Variants in PLA2G4C observed in about 807,000 individuals in gnomAD.
PLA2G4C encodes cytosolic phospholipase A2 gamma.
In PLA2G4C, 64 loss-of-function variants were observed where a neutral mutation model predicts 73.8. The observed-to-expected ratio is 0.87, with a 90% CI of 0.71 to 1.07. The LOEUF (loss-of-function observed/expected upper bound fraction) is 1.07, where lower values mean the gene tolerates loss of function less well. Among genes scored for constraint, PLA2G4C ranks in the 50% least tolerant of loss-of-function variants. The pLI is 0.00. For synonymous variants in PLA2G4C, 254 were observed against 252.1 expected (o/e 1.01, Z -0.07); for missense variants, 622 against 665.4 (o/e 0.93, Z 0.72).
At chr19:48,053,364 C>CTTTTT (rs1174332835) in intron 15 of PLA2G4C, among the ~76,000 whole-genome samples, 17 of 100,586 alleles carry the variant, frequency 1.7e-4, no homozygotes, top group South Asian at 3.4e-4. Context: ...GTCCTTTTTT[C>CTTTTT]TTTTTTTTTT....
intron 15 of PLA2G4C, 104 bp from the exon 16 acceptor site, chr19:48,053,251 G>T: frequency 1.3e-6 from 1 of 757,656 alleles, no homozygotes; most frequent in Non-Finnish European, 2.0e-6. Flanking sequence ...CTACAGTTGT[G>T]GACCAAATCC....
Position 48,057,473 on chromosome 19 carries a change from TC to T in PLA2G4C, c.1258-2425del, listed in dbSNP as rs1568422839. Among the ~76,000 whole-genome samples, 61 of 50,462 alleles carry T rather than the reference TC, an allele frequency of 1.2e-3. No individual in the cohort carries two copies. The South Asian group carries it at 0.02, about 17-fold the overall frequency. The allele number at this position is 50,462 out of a possible 152,430, so 33.1% of individuals were successfully genotyped here. A position where few individuals can be genotyped will look rare whatever the true frequency, so the allele number is the denominator to read the frequency against. ...AACAAGTGTTTCTTCTTCTTCTTCT[TC>T]TTCTTCTTCTTTTTTTTTTTTTTTT... On this transcript the variant is annotated intron_variant, in intron 14 of 16. Transcript: ENST00000599921.
At position 48,098,713 on chromosome 19, in the gene PLA2G4C, TAAAAAAAAAAAAAAAAAAAAAA is replaced by T. The variant is rs548688675; in HGVS notation, c.448-476_448-455del. Among the ~76,000 whole-genome samples the T allele has an allele frequency of 6.2e-4, 19 of 30,860 alleles. 1 individual carries two copies. Among genetic ancestry groups the T allele is most frequent in the Admixed American group, 2.2e-3 (4 of 1,826 alleles). 20.2% of individuals were successfully genotyped at this position (30,860 alleles called of 152,430 possible). On this transcript the variant is annotated intron_variant, in intron 5 of 16. Transcript: ENST00000599921. ...GAGCAAAAAAGCGAAACCCTATCTC[TAAAAAAAAAAAAAAAAAAAAAA>T]AAAAAAAAAAAAAAAAATTTGTCAG...
At chr19:48,070,297 T>TA (rs1968607517) in intron 12 of PLA2G4C, among the ~76,000 whole-genome samples, 1 of 152,224 alleles carries the variant, frequency 6.6e-6, no homozygotes, top group African/African-American at 2.4e-5. Flanking sequence ...GGTTGACAGC[T>TA]AAAATCAGTT....
intron 13 of PLA2G4C, among the ~76,000 whole-genome samples, chr19:48,065,483 A>T (rs1968380086): frequency 6.6e-6 from 1 of 151,796 alleles, no homozygotes; most frequent in Non-Finnish European, 1.5e-5. Flanking sequence ...GAGCATGGTG[A>T]CATGTGCCTG....
At chr19:48,077,860 G>A in intron 10 of PLA2G4C, 36 bp from the exon 11 acceptor site, 2 of 1,556,398 alleles carry the variant, frequency 1.3e-6, no homozygotes, top group Non-Finnish European at 1.8e-6. Flanking sequence ...ATGTTTAACT[G>A]TAAAGTCACT....
chr19:48,091,895 AAAAAAAAAAAAAAAT>A (rs2031321900), intron 7 of PLA2G4C, among the ~76,000 whole-genome samples: 1 of 144,794 alleles, frequency 6.9e-6, no homozygotes, highest in South Asian at 2.2e-4. Flanking sequence ...AAAAAAAAAA[AAAAAAAAAAAAAAAT>A]AGACACACCC....
At position 48,072,127 on chromosome 19, in the gene PLA2G4C, C is replaced by T. The variant is rs1172060333; in HGVS notation, c.1006+2640G>A. ...CACCACCGCACTCCAGCTTGGGTGACAGAGCGAGACTCCATCTCAAACAAA... is the reference window on the plus strand; with the variant it reads ...CACCACCGCACTCCAGCTTGGGTGATAGAGCGAGACTCCATCTCAAACAAA... On this transcript the variant is annotated intron_variant, in intron 12 of 16. Transcript: ENST00000599921. This position sits in a 1 kb window ranked among gnomAD's most constrained non-coding sequence, Gnocchi z 4.4. Among the ~76,000 whole-genome samples, 1 of 152,028 alleles carries T rather than the reference C, an allele frequency of 6.6e-6. No individual in the cohort carries two copies. The highest frequency in any genetic ancestry group is 2.4e-5 in the African/African-American group (1 of 41,402).
intron 3 of PLA2G4C, 89 bp from the exon 4 acceptor site, chr19:48,104,813 T>C: frequency 7.4e-7 from 1 of 1,343,148 alleles, no homozygotes; most frequent in Non-Finnish European, 1.0e-6. Context: ...CCGGGCACCG[T>C]GGCTCACGCC....
chr19:48,052,959 G>C (rs115689157), intron 16 of PLA2G4C, 38 bp downstream of exon 16: 1 of 1,570,238 alleles, frequency 6.4e-7, no homozygotes, highest in Non-Finnish European at 8.7e-7. Context: ...CTTACTGAAC[G>C]AGCATAGGCA....
intron 10 of PLA2G4C, 50 bp from the exon 11 acceptor site, chr19:48,077,874 T>C: frequency 6.8e-7 from 1 of 1,476,554 alleles, no homozygotes; most frequent in Non-Finnish European, 9.3e-7. Flanking sequence ...AGTCACTAGT[T>C]ATAGAAAATA....
At chr19:48,052,829 C>T (rs1415388778) in intron 16 of PLA2G4C, 168 bp downstream of exon 16, 2 of 619,430 alleles carry the variant, frequency 3.2e-6, no homozygotes, top group Non-Finnish European at 5.4e-6. Flanking sequence ...CCATTCACTC[C>T]TGACCCTGTT....
chr19:48,062,122 C>T lies in PLA2G4C; in HGVS notation c.1133G>A (p.Arg378Gln), dbSNP rs759084365. The change falls in exon 14 of 17, where the codon CGG becomes CAG. Residue 378 changes from arginine (R) to glutamine (Q), a missense_variant. Transcript: ENST00000599921. ...AGCATCCACCAGGTGGAGGTGCTTC[C>T]GGCTGCTCATTATCTTGTCCCGGAT... ...GGIRDKIMSSRKHLHLVDAGL... is the reference protein window; with the variant it reads ...GGIRDKIMSSQKHLHLVDAGL... 7.2e-5 allele frequency: 116 copies of T among 1,600,856 alleles called. No homozygotes were observed. Among genetic ancestry groups the T allele is most frequent in the Non-Finnish European group, 9.5e-5 (111 of 1,173,152 alleles).
chr19:48,106,773 C>T (rs577746582), intron 1 of PLA2G4C: 39 of 561,132 alleles, frequency 7.0e-5, no homozygotes, highest in South Asian at 6.7e-4. Context: ...ATTTCAAGCG[C>T]GTCTCTCTGA....
intron 10 of PLA2G4C, among the ~76,000 whole-genome samples, chr19:48,083,505 T>C (rs2030776452): frequency 6.8e-6 from 1 of 147,814 alleles, no homozygotes; most frequent in Non-Finnish European, 1.5e-5. Context: ...TGGAGTGCAA[T>C]GGTGTGATCT....
chr19:48,108,637 T>G (rs1316031577), intron 1 of PLA2G4C: 1 of 152,182 alleles, frequency 6.6e-6, no homozygotes, highest in Non-Finnish European at 1.5e-5. Context: ...GTCTTATGAA[T>G]GTGACTTCAG....
rs548591928 is a variant in PLA2G4C, at chr19:48,068,328, G to T, written c.1007-442C>A. The stretch of plus-strand genomic sequence containing the variant: ...CAAAAAAAAAAAAAAAAAAAAAAGT[G>T]GGGGGGTCATTCAGGATAACTGAGG... On this transcript the variant is annotated intron_variant, in intron 12 of 16. Transcript: ENST00000599921. 1.1e-4 allele frequency among the ~76,000 whole-genome samples: 16 copies of T among 140,958 alleles called. 1 individual carries two copies. The highest frequency in any genetic ancestry group is 4.4e-4 in the South Asian group (2 of 4,540). The allele number at this position is 140,958 out of a possible 152,430, so 92.5% of individuals were successfully genotyped here. A position where few individuals can be genotyped will look rare whatever the true frequency, so the allele number is the denominator to read the frequency against.
At chr19:48,086,836 A>T (rs1375308185) in intron 9 of PLA2G4C, among the ~76,000 whole-genome samples, 1 of 152,160 alleles carries the variant, frequency 6.6e-6, no homozygotes, top group African/African-American at 2.4e-5. Context: ...TGATCAGTTC[A>T]TTACTACTAT....
chr19:48,078,755 T>G (rs1046841964), intron 10 of PLA2G4C, among the ~76,000 whole-genome samples: 7 of 152,168 alleles, frequency 4.6e-5, no homozygotes, highest in African/African-American at 1.7e-4. Context: ...CCCATGCTCA[T>G]GGATGGGTAG....
Sources: allele counts gnomAD v4.1 joint callset (sites outside exome capture counted in the v4.1 genomes callset), GRCh38; gene constraint gnomAD v4.1.1; non-coding constraint Gnocchi (gnomAD v3.1); transcripts MANE v1.5; gene names NCBI Gene and HGNC (gene_info 2026-07-23, HGNC 2026-07-21).